The following NELL1 variants were observed in gnomAD, a reference collection of about 807,000 sequenced individuals.
The protein encoded by NELL1 is protein kinase C-binding protein NELL1.
Under a neutral mutation model 107.4 loss-of-function variants are expected in NELL1, and 76 were observed. That is an observed-to-expected ratio of 0.71 (90% confidence interval 0.59 to 0.86). The LOEUF is 0.86. Among genes scored for constraint, NELL1 ranks in the 40% least tolerant of loss-of-function variants. The probability of loss-of-function intolerance (pLI) is 0.00; values close to 1 mark genes in which losing one functional copy is unlikely to be tolerated. For missense variants in NELL1, 1,024 were observed against 1,005.5 expected (o/e 1.02, Z -0.25); for synonymous variants, 353 against 341.2 (o/e 1.03, Z -0.38).
intron 12 of NELL1, among the ~76,000 whole-genome samples, chr11:21,084,843 C>G (rs552858217): frequency 6.6e-6 from 1 of 152,106 alleles, no homozygotes; most frequent in East Asian, 1.9e-4. Context: ...ATACACTGTC[C>G]AGGATTTTCC....
At chr11:20,749,176 A>G (rs1298722719) in intron 2 of NELL1, among the ~76,000 whole-genome samples, 2 of 150,332 alleles carry the variant, frequency 1.3e-5, no homozygotes, top group Non-Finnish European at 2.9e-5. Flanking sequence ...CTTTTAGGGC[A>G]GGGATGGAAG....
At chr11:21,163,422 C>A (rs1856415825) in intron 13 of NELL1, among the ~76,000 whole-genome samples, 1 of 152,084 alleles carries the variant, frequency 6.6e-6, no homozygotes, top group Non-Finnish European at 1.5e-5. Context: ...AGAAGTAAAT[C>A]AATGGTAGTT....
intron 9 of NELL1, among the ~76,000 whole-genome samples, chr11:20,929,121 C>G (rs1451496960): frequency 1.3e-5 from 2 of 152,152 alleles, no homozygotes; most frequent in African/African-American, 2.4e-5. Context: ...AATCATGAGG[C>G]TGGTGAGTGG....
chr11:21,256,558 A>G lies in NELL1; in HGVS notation c.1549+27104A>G, dbSNP rs544130079. On this transcript the variant is annotated intron_variant, in intron 14 of 19. Coordinates refer to ENST00000357134, the MANE Select transcript of NELL1 (RefSeq NM_006157.5). ...TACCTGGAATTATATAGCAGGTCTC[A>G]TCCTGACTTCTTGGGGTCAGCTGTG... Among the ~76,000 whole-genome samples, 5 of 152,128 alleles carry G rather than the reference A, an allele frequency of 3.3e-5. No homozygotes were observed. The South Asian group carries it at 8.3e-4, about 25-fold the overall frequency.
At chr11:21,142,520 C>T (rs554502589) in intron 13 of NELL1, among the ~76,000 whole-genome samples, 15 of 152,300 alleles carry the variant, frequency 9.8e-5, no homozygotes, top group East Asian at 1.9e-4. Flanking sequence ...TTCCATTTTG[C>T]GGGCTTAAAT....
chr11:21,403,189 A>G (rs1248826950), intron 15 of NELL1, among the ~76,000 whole-genome samples: 2 of 151,730 alleles, frequency 1.3e-5, no homozygotes, highest in Non-Finnish European at 2.9e-5. Context: ...GACTGGTAGG[A>G]ATTCAATCTT....
At chr11:20,949,038 A>C (rs1373264911) in intron 11 of NELL1, among the ~76,000 whole-genome samples, 2 of 152,178 alleles carry the variant, frequency 1.3e-5, no homozygotes, top group Non-Finnish European at 2.9e-5. Flanking sequence ...CTTTGCCGAC[A>C]AGAGGTTTCT....
chr11:21,521,363 A>G (rs1855719878), intron 15 of NELL1, among the ~76,000 whole-genome samples: 1 of 152,210 alleles, frequency 6.6e-6, no homozygotes, highest in Non-Finnish European at 1.5e-5. Context: ...ACACTCTGTA[A>G]GATTTCAAGC....
At chr11:20,911,105 T>C (rs1024450103) in intron 5 of NELL1, among the ~76,000 whole-genome samples, 1 of 152,210 alleles carries the variant, frequency 6.6e-6, no homozygotes, top group Non-Finnish European at 1.5e-5. Flanking sequence ...TCCTATTATC[T>C]ATTCCAGCTT....
intron 13 of NELL1, among the ~76,000 whole-genome samples, chr11:21,186,154 G>A (rs920282268): frequency 1.3e-5 from 2 of 151,846 alleles, no homozygotes; most frequent in Non-Finnish European, 2.9e-5. Flanking sequence ...GTCACATGAT[G>A]GCTGATCTTA....
intron 12 of NELL1, among the ~76,000 whole-genome samples, chr11:20,965,935 C>T (rs778657684): frequency 1.3e-5 from 2 of 152,166 alleles, no homozygotes; most frequent in Non-Finnish European, 2.9e-5. Flanking sequence ...AGGAAATGGG[C>T]TAGTTTACTT....
At chr11:20,808,248 T>G (rs1419979898) in intron 3 of NELL1, among the ~76,000 whole-genome samples, 1 of 151,994 alleles carries the variant, frequency 6.6e-6, no homozygotes, top group Non-Finnish European at 1.5e-5. Flanking sequence ...CTGGATTCGG[T>G]CCTTTATTTC....
chr11:20,946,069 A>G (rs1365964465), intron 10 of NELL1, among the ~76,000 whole-genome samples: 1 of 152,224 alleles, frequency 6.6e-6, no homozygotes, highest in Non-Finnish European at 1.5e-5. Flanking sequence ...TTGGAAATTT[A>G]TATTTGACAT....
chr11:20,989,489 A>G (rs1851925328), intron 12 of NELL1, among the ~76,000 whole-genome samples: 1 of 152,158 alleles, frequency 6.6e-6, no homozygotes, highest in Non-Finnish European at 1.5e-5. Flanking sequence ...CCATTACCTT[A>G]TCTTCTTGAC....
chr11:21,245,646 G>T (rs1439200520), intron 14 of NELL1, among the ~76,000 whole-genome samples: 1 of 152,116 alleles, frequency 6.6e-6, no homozygotes, highest in East Asian at 1.9e-4. Flanking sequence ...GGCGTAGGCA[G>T]GCGGACAATG....
chr11:21,206,301 C>T (rs1485963644), intron 13 of NELL1, among the ~76,000 whole-genome samples: 1 of 152,098 alleles, frequency 6.6e-6, no homozygotes, highest in East Asian at 1.9e-4. Flanking sequence ...ATGGCCTGAT[C>T]CACTCTGTGT....
intron 12 of NELL1, among the ~76,000 whole-genome samples, chr11:21,024,986 C>A (rs1009725765): frequency 6.6e-6 from 1 of 152,140 alleles, no homozygotes; most frequent in Non-Finnish European, 1.5e-5. Flanking sequence ...CAAGCCAGCT[C>A]TGTGCCATGT....
At chr11:20,959,171 A>G (rs1212895723) in intron 11 of NELL1, among the ~76,000 whole-genome samples, 1 of 152,168 alleles carries the variant, frequency 6.6e-6, no homozygotes, top group Non-Finnish European at 1.5e-5. Context: ...AATAAAATGG[A>G]TGTTGGCGTG....
At chr11:21,338,908 G>C (rs1850498795) in intron 14 of NELL1, among the ~76,000 whole-genome samples, 1 of 152,084 alleles carries the variant, frequency 6.6e-6, no homozygotes, top group Admixed American at 6.5e-5. Context: ...TGTGTATTTG[G>C]TTCTATGCAT....
Sources: allele counts gnomAD v4.1 joint callset (sites outside exome capture counted in the v4.1 genomes callset), GRCh38; gene constraint gnomAD v4.1.1; transcripts MANE v1.5; gene names NCBI Gene and HGNC (gene_info 2026-07-23, HGNC 2026-07-21).